The following VGLL4 variants were observed in gnomAD, a reference collection of about 807,000 sequenced individuals.
VGLL4 encodes the protein vestigial like family member 4.
VGLL4 carries 7 observed loss-of-function variants against 21.0 expected under a neutral mutation model. The ratio of observed to expected loss-of-function variants is 0.33; its 90% confidence interval spans 0.19 to 0.63. VGLL4 has a LOEUF of 0.63. VGLL4 is among the 20% of genes least tolerant of loss of function. The pLI, the probability that VGLL4 is intolerant of heterozygous loss-of-function variation, is 0.78. For missense variants in VGLL4, 394 were observed against 425.7 expected (o/e 0.93, Z 0.66); for synonymous variants, 222 against 173.2 (o/e 1.28, Z -2.21).
chr3:11,567,416 C>A (rs1393364687), intron 2 of VGLL4, among the ~76,000 whole-genome samples: 3 of 152,008 alleles, frequency 2.0e-5, no homozygotes, highest in Admixed American at 1.3e-4. Context: ...GCTGATGATA[C>A]AGAATATCTT....
intron 2 of VGLL4, among the ~76,000 whole-genome samples, chr3:11,566,451 ATC>A (rs1419510281): frequency 2.0e-5 from 3 of 152,274 alleles, no homozygotes; most frequent in Admixed American, 2.0e-4. Context: ...TTCCAGAGCA[ATC>A]TCTTTATAAG....
At chr3:11,658,896 G>A (rs1468886588) in intron 2 of VGLL4, among the ~76,000 whole-genome samples, 1 of 152,114 alleles carries the variant, frequency 6.6e-6, no homozygotes, top group East Asian at 1.9e-4. Context: ...TTTTTATTGA[G>A]AGAAGAATTT....
At chr3:11,703,572 T>C (rs1459441301) in intron 1 of VGLL4, among the ~76,000 whole-genome samples, 1 of 152,242 alleles carries the variant, frequency 6.6e-6, no homozygotes, top group Non-Finnish European at 1.5e-5. Flanking sequence ...TATTATATAA[T>C]CACCACCTAT....
chr3:11,716,258 C>T (rs546892054), intron 1 of VGLL4, among the ~76,000 whole-genome samples: 26 of 149,060 alleles, frequency 1.7e-4, no homozygotes, highest in African/African-American at 6.2e-4. Context: ...GCTGAGATCG[C>T]GCCACTGCAC....
At chr3:11,596,409 AAAGTGG>A (rs2074641642) in intron 2 of VGLL4, among the ~76,000 whole-genome samples, 1 of 152,252 alleles carries the variant, frequency 6.6e-6, no homozygotes, top group South Asian at 2.1e-4. Flanking sequence ...TTTGTTTTTC[AAAGTGG>A]TATTGGCACC....
intron 4 of VGLL4, 30 bp from the exon 5 acceptor site, chr3:11,558,857 G>T: frequency 6.2e-7 from 1 of 1,605,288 alleles, no homozygotes; most frequent in African/African-American, 1.3e-5. Flanking sequence ...CAGGCAGTCA[G>T]ACACAGGTGG....
chr3:11,659,330 T>C (rs886904578), intron 2 of VGLL4, among the ~76,000 whole-genome samples: 7 of 31,352 alleles, frequency 2.2e-4, no homozygotes, highest in East Asian at 7.2e-4. Context: ...CTTTTTCTTT[T>C]TTTTTTTTTT....
chr3:11,672,331 G>A (rs192505265), intron 2 of VGLL4, among the ~76,000 whole-genome samples: 20 of 152,250 alleles, frequency 1.3e-4, no homozygotes, highest in Admixed American at 5.2e-4. Flanking sequence ...CACTGTACTC[G>A]TAGAGTTAAA....
chr3:11,618,646 G>T (rs1339339251), intron 1 of VGLL4, among the ~76,000 whole-genome samples: 1 of 152,064 alleles, frequency 6.6e-6, no homozygotes, highest in Non-Finnish European at 1.5e-5. Flanking sequence ...AAGGACTTTT[G>T]TTTCCTTACC....
chr3:11,558,597 G>A lies in VGLL4; in HGVS notation c.850C>T (p.His284Tyr), dbSNP rs1316791940. The A allele has an allele frequency of 1.2e-6, 2 of 1,605,420 alleles. No individual in the cohort carries two copies. Among genetic ancestry groups the A allele is most frequent in the African/African-American group, 2.7e-5 (2 of 74,862 alleles). Reference sequence around the variant, plus strand: ...GGGGAGTGACTGTGGCTGACCATGTGGGCAGAGGGGCTGGCGGGCTGGCCC... The same window carrying A: ...GGGGAGTGACTGTGGCTGACCATGTAGGCAGAGGGGCTGGCGGGCTGGCCC... ...RRGQPASPSA[H>Y]MVSHSHSPSV... The change falls in exon 5 of 5, where the codon CAC (histidine) becomes TAC (tyrosine). Residue 284 changes from histidine (H) to tyrosine (Y), a missense_variant. Transcript: ENST00000430365.
chr3:11,623,800 G>C (rs2075307110), intron 1 of VGLL4, among the ~76,000 whole-genome samples: 1 of 151,240 alleles, frequency 6.6e-6, no homozygotes, highest in South Asian at 2.1e-4. Context: ...GAGTGCAGTG[G>C]TGCCATCATA....
chr3:11,602,115 A>C (rs1030919917), intron 1 of VGLL4, 93 bp from the exon 2 acceptor site: 47 of 1,258,548 alleles, frequency 3.7e-5, no homozygotes, highest in African/African-American at 4.7e-5. Context: ...GCCCCTTACA[A>C]AACTACTCCC....
At chr3:11,665,768 A>G (rs2076114237) in intron 2 of VGLL4, among the ~76,000 whole-genome samples, 2 of 152,240 alleles carry the variant, frequency 1.3e-5, no homozygotes, top group South Asian at 4.1e-4. Context: ...CAGTCAACAA[A>G]ATGAGACAAA....
Position 11,643,477 on chromosome 3 carries a change from C to T in VGLL4, c.42G>A (p.Leu14=). 1 of 1,613,980 alleles carries T rather than the reference C, an allele frequency of 6.2e-7. No individual in the cohort carries two copies. The highest frequency in any genetic ancestry group is 8.5e-7 in the Non-Finnish European group (1 of 1,179,880). The change falls in exon 1 of 5, where the codon TTG becomes TTA. Residue 14 remains leucine, a synonymous_variant. Transcript: ENST00000430365. ...MKMDLLNYQY[L]DKMNNNIGIL... is the part of the protein sequence containing the mutation. Reference sequence around the variant, plus strand: ...TGCCGATATTGTTGTTCATCTTGTCCAAGTACTGATAGTTCAACAGGTCCA... The same window carrying T: ...TGCCGATATTGTTGTTCATCTTGTCTAAGTACTGATAGTTCAACAGGTCCA...
At chr3:11,578,119 G>A (rs1478388029) in intron 2 of VGLL4, among the ~76,000 whole-genome samples, 1 of 152,162 alleles carries the variant, frequency 6.6e-6, no homozygotes, top group East Asian at 1.9e-4. Context: ...CTAACCTAAA[G>A]CATCAGGATT....
At chr3:11,676,312 A>G (rs927545587) in intron 2 of VGLL4, among the ~76,000 whole-genome samples, 3 of 151,862 alleles carry the variant, frequency 2.0e-5, no homozygotes, top group South Asian at 2.1e-4. Context: ...GCGTGAACCC[A>G]GGAGGCGGAG....
At chr3:11,701,435 G>A (rs1426300721) in intron 2 of VGLL4, among the ~76,000 whole-genome samples, 1 of 152,126 alleles carries the variant, frequency 6.6e-6, no homozygotes, top group Non-Finnish European at 1.5e-5. Flanking sequence ...AAATCACCCA[G>A]TCTCAGGTAT....
intron 2 of VGLL4, among the ~76,000 whole-genome samples, chr3:11,700,689 A>G (rs747960515): frequency 2.1e-4 from 32 of 152,352 alleles, no homozygotes; most frequent in East Asian, 3.9e-4. Flanking sequence ...AGACACAGCA[A>G]TGAGCTCAGA....
intron 1 of VGLL4, among the ~76,000 whole-genome samples, chr3:11,706,708 G>A (rs569378427): frequency 6.6e-6 from 1 of 152,248 alleles, no homozygotes; most frequent in East Asian, 1.9e-4. Flanking sequence ...ATCGCACTGT[G>A]TTTCTGTATA....
Sources: gnomAD v4.1 joint callset for allele counts (sites outside exome capture counted in the v4.1 genomes callset) on GRCh38, gnomAD v4.1.1 for gene constraint, MANE v1.5 for transcripts, NCBI Gene and HGNC (gene_info 2026-07-23, HGNC 2026-07-21) for gene names.